LIMCH1: variants seen among roughly 807,000 people sequenced by gnomAD.
The protein encoded by LIMCH1 is LIM and calponin homology domains 1, also known as LIM and calponin homology domains-containing protein 1.
A neutral mutation model predicts 176.5 loss-of-function variants in LIMCH1; 113 were observed. The observed-to-expected ratio is 0.64, with a 90% confidence interval of 0.55 to 0.75. LIMCH1 has a LOEUF of 0.75. LIMCH1 is among the 30% of genes least tolerant of loss of function. The pLI is 0.00. For synonymous variants in LIMCH1, 619 were observed against 645.9 expected (o/e 0.96, Z 0.63); for missense variants, 1,674 against 1,814.9 (o/e 0.92, Z 1.41).
intron 2 of LIMCH1, among the ~76,000 whole-genome samples, chr4:41,500,199 TGTGGAAATAACTTGATATCCCC>T (rs1382613433): frequency 2.0e-5 from 3 of 152,270 alleles, no homozygotes; most frequent in Non-Finnish European, 4.4e-5. Flanking sequence ...ATACTCAAGT[TGTGGAAATAACTTGATATCCCC>T]AGATCTTTCA....
intron 1 of LIMCH1, among the ~76,000 whole-genome samples, chr4:41,408,118 G>C (rs1295083539): frequency 1.3e-5 from 2 of 152,242 alleles, no homozygotes; most frequent in African/African-American, 4.8e-5. Context: ...ATGAGTATCA[G>C]ACAGATTTAT....
At chr4:41,623,831 G>A (rs1217039545) in intron 7 of LIMCH1, among the ~76,000 whole-genome samples, 1 of 152,214 alleles carries the variant, frequency 6.6e-6, no homozygotes, top group African/African-American at 2.4e-5. Flanking sequence ...CAAAAACCTA[G>A]AAGTTTCAAG....
chr4:41,696,530 T>C (rs1730771000), intron 31 of LIMCH1, among the ~76,000 whole-genome samples: 1 of 152,196 alleles, frequency 6.6e-6, no homozygotes, highest in African/African-American at 2.4e-5. Context: ...CAAGTTAAAG[T>C]TGAATTTCAC....
In LIMCH1 at chr4:41,602,785, C is replaced by T. The variant is rs192416055; in HGVS notation, c.-133-1090C>T. Among the ~76,000 whole-genome samples the T allele has an allele frequency of 1.9e-3, 284 of 152,038 alleles. 1 individual carries two copies. Among genetic ancestry groups the T allele is most frequent in the African/African-American group, 6.3e-3 (260 of 41,472 alleles). ...ATCACACCACTACACTCCAGCCGGG[C>T]GACAGAGTGAGGCTCAGTCTCAAAA... On this transcript the variant is annotated intron_variant, in intron 2 of 31. Transcript: ENST00000503057.
rs1225990669 is a variant in LIMCH1 at position 41,689,627 on chromosome 4, T to C, written c.4267T>C (p.Cys1423Arg). The C allele has an allele frequency of 6.3e-7, 1 of 1,595,008 alleles. No homozygotes were observed. The highest frequency in any genetic ancestry group is 8.6e-7 in the Non-Finnish European group (1 of 1,162,666). The change falls in exon 30 of 32, where the codon TGT becomes CGT. Residue 1423 changes from cysteine to arginine, a missense_variant. Physicochemically the swap from Cys to Arg is radical, Grantham distance 180. Transcript: ENST00000503057. ...CCTCAATCTCTATTTTCACATCCAGTGTTTCAGGGTACGTACTTACTGCTT... is the reference window on the plus strand; with the variant it reads ...CCTCAATCTCTATTTTCACATCCAGCGTTTCAGGGTACGTACTTACTGCTT... Reference protein sequence around the residue: ...ETLNLYFHIQCFRCGICKGQL... With the variant: ...ETLNLYFHIQRFRCGICKGQL...
intron 15 of LIMCH1, among the ~76,000 whole-genome samples, chr4:41,645,901 G>A (rs548506002): frequency 6.6e-6 from 1 of 152,340 alleles, no homozygotes; most frequent in East Asian, 1.9e-4. Context: ...TAAATGTGCA[G>A]CCCTGCTATG....
intron 1 of LIMCH1, among the ~76,000 whole-genome samples, chr4:41,586,407 G>A (rs2086483664): frequency 6.6e-6 from 1 of 151,934 alleles, no homozygotes; most frequent in Admixed American, 6.6e-5. Context: ...ACTGCGCCTG[G>A]CCTAAATGCT....
At chr4:41,572,532 T>C (rs1270864350) in intron 1 of LIMCH1, among the ~76,000 whole-genome samples, 1 of 152,176 alleles carries the variant, frequency 6.6e-6, no homozygotes, top group Non-Finnish European at 1.5e-5. Flanking sequence ...ACCTCTGAGA[T>C]AAGATTTTCT....
At chr4:41,440,522 T>C (rs980536240) in intron 1 of LIMCH1, among the ~76,000 whole-genome samples, 7 of 151,984 alleles carry the variant, frequency 4.6e-5, no homozygotes, top group Admixed American at 3.9e-4. Context: ...AAAAATACCA[T>C]GGTCTATTAT....
At chr4:41,362,521 TG>T (rs1272728501) in intron 1 of LIMCH1, among the ~76,000 whole-genome samples, 2 of 152,110 alleles carry the variant, frequency 1.3e-5, no homozygotes, top group African/African-American at 4.8e-5. Context: ...CGAGTGTGGG[TG>T]GGGGTAAGGG....
At chr4:41,482,722 G>T (rs917410157) in intron 1 of LIMCH1, among the ~76,000 whole-genome samples, 7 of 152,160 alleles carry the variant, frequency 4.6e-5, no homozygotes, top group Non-Finnish European at 1.0e-4. Context: ...TGCCAATAAT[G>T]ATAATGGAAT....
rs1369791918 is a variant in LIMCH1 at position 41,547,718 on chromosome 4, A to C, written c.-241+9368A>C. Among the ~76,000 whole-genome samples, 5 of 146,152 alleles carry C rather than the reference A, an allele frequency of 3.4e-5. No individual in the cohort carries two copies. The East Asian group carries it at 9.8e-4, about 29-fold the overall frequency. On this transcript the variant is annotated intron_variant, in intron 1 of 31. Transcript: ENST00000503057. Reference sequence around the variant, plus strand: ...TATACATATATAATAGTATACACATATATACATATATAATATATACATAAA... The same window carrying C: ...TATACATATATAATAGTATACACATCTATACATATATAATATATACATAAA...
chr4:41,666,820 G>A (rs1271100869), intron 21 of LIMCH1, among the ~76,000 whole-genome samples, 154 bp downstream of exon 21: 1 of 152,172 alleles, frequency 6.6e-6, no homozygotes, highest in Non-Finnish European at 1.5e-5. Flanking sequence ...TATGACTTCA[G>A]AATGGAAAGC....
chr4:41,570,433 A>G (rs1031180798), intron 1 of LIMCH1, among the ~76,000 whole-genome samples: 2 of 152,200 alleles, frequency 1.3e-5, no homozygotes, highest in Non-Finnish European at 2.9e-5. Flanking sequence ...CTTTTGTTCT[A>G]TCAGCCCTCT....
chr4:41,450,946 T>C (rs936403227), intron 1 of LIMCH1, among the ~76,000 whole-genome samples: 3 of 152,008 alleles, frequency 2.0e-5, no homozygotes, highest in South Asian at 2.1e-4. Flanking sequence ...TGGGTCATCA[T>C]AGAGGAAGTG....
chr4:41,382,640 T>C (rs2055859014), intron 1 of LIMCH1, among the ~76,000 whole-genome samples: 1 of 152,172 alleles, frequency 6.6e-6, no homozygotes, highest in Admixed American at 6.5e-5. Flanking sequence ...TGGTAACCTG[T>C]ACATTGCTAC....
rs1479630318 is a variant in LIMCH1, at chr4:41,372,771, G to A, written c.96+11835G>A. ...TTGTGCCTGGGTACTACATAAAGCA[G>A]CACTGTTTTCATCCAGGAAACCTAC... On this transcript the variant is annotated intron_variant, in intron 1 of 26. Transcript: ENST00000313860. Among the ~76,000 whole-genome samples the A allele has an allele frequency of 2.6e-5, 4 of 152,286 alleles. No homozygotes were observed. In the East Asian group the frequency reaches 7.7e-4, roughly 29 times the overall value.
chr4:41,682,834 G>T (rs998086156), intron 26 of LIMCH1, among the ~76,000 whole-genome samples: 7 of 151,772 alleles, frequency 4.6e-5, no homozygotes, highest in African/African-American at 7.3e-5. Context: ...GTGCCACCAC[G>T]CCCAGCTAAT....
chr4:41,506,248 C>A (rs1583262671), intron 2 of LIMCH1, among the ~76,000 whole-genome samples: 1 of 152,268 alleles, frequency 6.6e-6, no homozygotes, highest in South Asian at 2.1e-4. Context: ...TGTTGGCAAA[C>A]ACTTATTCTA....
Sources: gnomAD v4.1 joint callset for allele counts (sites outside exome capture counted in the v4.1 genomes callset) on GRCh38, gnomAD v4.1.1 for gene constraint, MANE v1.5 for transcripts, NCBI Gene and HGNC (gene_info 2026-07-23, HGNC 2026-07-21) for gene names.